Variants in AFDN observed in about 807,000 individuals in gnomAD.
AFDN encodes the protein afadin.
In AFDN, 68 loss-of-function variants were observed where a neutral mutation model predicts 216.6. The ratio of observed to expected loss-of-function variants is 0.31; its 90% CI spans 0.26 to 0.38. The LOEUF is 0.38. AFDN is among the 10% of genes least tolerant of loss of function. AFDN has a pLI of 1.00. For missense variants in AFDN, 2,136 were observed against 2,342.0 expected, an observed-to-expected ratio of 0.91 and a Z score of 1.82; for synonymous variants, 868 against 853.7, an observed-to-expected ratio of 1.02 and a Z score of -0.29.
At chr6:167,921,675 A>G (rs916786000) in intron 21 of AFDN, among the ~76,000 whole-genome samples, 4 of 152,194 alleles carry the variant, frequency 2.6e-5, no homozygotes, top group Non-Finnish European at 5.9e-5. Flanking sequence ...CGGCCCTTGA[A>G]AAAAATAAAA....
chr6:167,962,474 G>A lies in AFDN; in HGVS notation c.4875G>A (p.Glu1625=), dbSNP rs1797132524. 4 of 1,613,782 alleles carry A rather than the reference G, an allele frequency of 2.5e-6. No homozygotes were observed. Among genetic ancestry groups the A allele is most frequent in the Non-Finnish European group, 3.4e-6 (4 of 1,179,744 alleles). Reference sequence around the variant, plus strand: ...GGAGGCGGCAGCAGCAGTTAGAAGAGATGCGCAAGCGGGAAGCGGAAGACC... The same window carrying A: ...GGAGGCGGCAGCAGCAGTTAGAAGAAATGCGCAAGCGGGAAGCGGAAGACC... ...EERRRQQQLE[E]MRKREAEDRA... Residue 1625 remains glutamate, a synonymous_variant, in exon 31 of 34, where the codon GAG becomes GAA. Transcript: ENST00000683244. This position sits in a 1 kb window ranked among gnomAD's most constrained non-coding sequence, Gnocchi z 5.2.
At chr6:167,930,746 C>T (rs972748632) in intron 23 of AFDN, among the ~76,000 whole-genome samples, 3 of 152,152 alleles carry the variant, frequency 2.0e-5, no homozygotes, top group East Asian at 1.9e-4. Context: ...TGTGGCATAG[C>T]GTGGCTGTGT....
At chr6:167,917,996 A>G (rs1356679068) in intron 20 of AFDN, among the ~76,000 whole-genome samples, 3 of 152,246 alleles carry the variant, frequency 2.0e-5, no homozygotes, top group African/African-American at 7.2e-5. Flanking sequence ...GGAACAGTCA[A>G]AATCACACTC....
rs201253774 is a variant in AFDN, at chr6:167,952,020, C to T, written c.4666C>T (p.Arg1556Cys). The T allele has an allele frequency of 8.7e-6, 14 of 1,614,146 alleles. No individual in the cohort carries two copies. Among genetic ancestry groups the T allele is most frequent in the East Asian group, 4.5e-5 (2 of 44,868 alleles). Residue 1556 changes from arginine (R) to cysteine (C), a missense_variant, in exon 30 of 34, where the codon CGC becomes TGC. Transcript: ENST00000683244. ...CCAGGAGCTCCAGAGCAAACCGGAC[C>T]GCAGCGCCGAGGAGAGCGACCGGCT... Reference protein sequence around the residue: ...EIQELQSKPDRSAEESDRLRK... With the variant: ...EIQELQSKPDCSAEESDRLRK...
At chr6:167,946,412 A>AC (rs1795270850) in intron 26 of AFDN, among the ~76,000 whole-genome samples, 1 of 150,502 alleles carries the variant, frequency 6.6e-6, no homozygotes, top group Admixed American at 6.6e-5. Flanking sequence ...ATCTTTATTG[A>AC]TTTTTTTTTT....
At chr6:167,912,703 A>G (rs911039697) in intron 15 of AFDN, among the ~76,000 whole-genome samples, 1 of 152,228 alleles carries the variant, frequency 6.6e-6, no homozygotes, top group African/African-American at 2.4e-5. Flanking sequence ...GACACCTATC[A>G]TAAAACTACC....
chr6:167,879,572 A>G (rs550994995), intron 5 of AFDN, among the ~76,000 whole-genome samples: 4 of 152,306 alleles, frequency 2.6e-5, no homozygotes. Flanking sequence ...TTCAGATTTC[A>G]GGTTATATTA....
chr6:167,947,458 C>A (rs1009739742), intron 27 of AFDN, among the ~76,000 whole-genome samples: 3 of 152,162 alleles, frequency 2.0e-5, no homozygotes, highest in South Asian at 4.1e-4. Flanking sequence ...GGATTACAGG[C>A]TTGAGCCACC....
Position 167,951,616 on chromosome 6 carries a change from A to T in AFDN, c.4262A>T (p.Glu1421Val), listed in dbSNP as rs1402257922. The T allele has an allele frequency of 6.2e-7, 1 of 1,613,976 alleles. No homozygotes were observed. Among genetic ancestry groups the T allele is most frequent in the African/African-American group, 1.3e-5 (1 of 74,930 alleles). ...GCTGCTGAACGGAGAAAGAGAGAAG[A>T]ACATCAGCGTTGGTATGAGAAGGAG... ...VAAAERRKRE[E>V]HQRWYEKEKA... The change falls in exon 30 of 34, where the codon GAA becomes GTA. Residue 1421 changes from glutamate to valine, a missense_variant. Physicochemically the swap from Glu to Val is moderately radical, Grantham distance 121. Coordinates refer to ENST00000683244, the MANE Select transcript of AFDN (RefSeq NM_001386888.1). This position sits in a 1 kb window ranked among gnomAD's most constrained non-coding sequence, Gnocchi z 7.1.
Position 167,955,068 on chromosome 6 carries a change from T to C in AFDN, c.4833+2881T>C, listed in dbSNP as rs1360214296. On this transcript the variant is annotated intron_variant, in intron 30 of 33. Transcript: ENST00000683244. ...CATGGTCTGTTGTAAATTCAAAGTGTTCATTGTCATATTGGGGAAGTTTGG... is the reference window on the plus strand; with the variant it reads ...CATGGTCTGTTGTAAATTCAAAGTGCTCATTGTCATATTGGGGAAGTTTGG... Among the ~76,000 whole-genome samples, 4 of 152,232 alleles carry C rather than the reference T, an allele frequency of 2.6e-5. No homozygotes were observed. The East Asian group carries it at 5.8e-4, about 22-fold the overall frequency.
chr6:167,862,884 T>C (rs904843278), intron 1 of AFDN, among the ~76,000 whole-genome samples: 1 of 152,218 alleles, frequency 6.6e-6, no homozygotes, highest in African/African-American at 2.4e-5. Flanking sequence ...ATGGCCCTCC[T>C]TTACTCCAGA....
intron 21 of AFDN, 26 bp from the exon 22 acceptor site, chr6:167,922,830 T>TTACAATTTGCTTG: frequency 6.7e-7 from 1 of 1,492,346 alleles, no homozygotes; most frequent in South Asian, 1.2e-5. Context: ...GCTTTTTCAC[T>TTACAATTTGCTTG]TACAATTTGC....
chr6:167,899,675 TC>T (rs35868600), intron 11 of AFDN, among the ~76,000 whole-genome samples: 8 of 152,194 alleles, frequency 5.3e-5, no homozygotes, highest in Non-Finnish European at 1.0e-4. Flanking sequence ...ATATCCTGAC[TC>T]CCTGTTTATT....
At chr6:167,850,084 A>T (rs1782131723) in intron 1 of AFDN, among the ~76,000 whole-genome samples, 2 of 152,236 alleles carry the variant, frequency 1.3e-5, no homozygotes, top group Non-Finnish European at 2.9e-5. Context: ...GGCACCAAAT[A>T]TGCAGTTCAA....
At chr6:167,865,797 CTTT>C (rs75509310) in intron 2 of AFDN, among the ~76,000 whole-genome samples, 3 of 141,618 alleles carry the variant, frequency 2.1e-5, no homozygotes, top group Admixed American at 1.4e-4. Flanking sequence ...TTTTTTGAAC[CTTT>C]TTTTTTTTTT....
intron 26 of AFDN, among the ~76,000 whole-genome samples, chr6:167,944,709 G>A (rs746134181): frequency 6.6e-6 from 1 of 151,954 alleles, no homozygotes; most frequent in Admixed American, 6.6e-5. Context: ...CCTGCACAGC[G>A]TGTCACTGTA....
intron 1 of AFDN, among the ~76,000 whole-genome samples, chr6:167,850,200 C>G (rs140963605): frequency 6.6e-6 from 1 of 152,276 alleles, no homozygotes; most frequent in African/African-American, 2.4e-5. Flanking sequence ...TCATGTTACT[C>G]TACCTCAAAA....
chr6:167,836,943 A>C lies in AFDN; in HGVS notation c.105+9706A>C, dbSNP rs140523765. The stretch of plus-strand genomic sequence containing the variant: ...CATGGACAGTGTTTTTACTGAATTT[A>C]ATGTTTATGACCTCGAATATTTAAA... On this transcript the variant is annotated intron_variant, in intron 1 of 33. Coordinates refer to ENST00000683244, the MANE Select transcript of AFDN (RefSeq NM_001386888.1). Among the ~76,000 whole-genome samples, 582 of 152,338 alleles carry C rather than the reference A, an allele frequency of 3.8e-3. 2 individuals carry two copies. The highest frequency in any genetic ancestry group is 0.013 in the African/African-American group (547 of 41,586).
chr6:167,827,278 G>A (rs1028611757), intron 1 of AFDN, 41 bp downstream of exon 1: 3 of 864,128 alleles, frequency 3.5e-6, no homozygotes, highest in South Asian at 5.1e-5. Context: ...ACCCCCGCCC[G>A]CTGCGCCGCG....
Sources: allele counts gnomAD v4.1 joint callset (sites outside exome capture counted in the v4.1 genomes callset), GRCh38; gene constraint gnomAD v4.1.1; non-coding constraint Gnocchi (gnomAD v3.1); transcripts MANE v1.5; gene names NCBI Gene and HGNC (gene_info 2026-07-23, HGNC 2026-07-21).